Variants in TTC21A observed in about 807,000 individuals in gnomAD.
TTC21A encodes tetratricopeptide repeat protein 21A.
TTC21A carries 128 observed loss-of-function variants against 156.4 expected under a neutral mutation model. The ratio of observed to expected loss-of-function variants is 0.82; its 90% CI spans 0.71 to 0.95. The LOEUF is 0.95. TTC21A is among the 40% of genes least tolerant of loss of function. The probability of loss-of-function intolerance (pLI) is 0.00; values close to 1 mark genes in which losing one functional copy is unlikely to be tolerated. For synonymous variants in TTC21A, 587 were observed against 617.1 expected (o/e 0.95, Z 0.72); for missense variants, 1,435 against 1,602.3 (o/e 0.90, Z 1.78).
At chr3:39,136,748 C>A in intron 23 of TTC21A, 151 bp from the exon 24 acceptor site, 1 of 1,096,844 alleles carries the variant, frequency 9.1e-7, no homozygotes, top group Non-Finnish European at 1.3e-6. Context: ...ATCCAACACA[C>A]AGGTCCGACG....
chr3:39,125,433 C>T lies in TTC21A; in HGVS notation c.1293C>T (p.Ser431=), dbSNP rs773283404. ...LKEAVELHFS[S]MQGIPLGSEY... is the part of the protein sequence containing the mutation. ...AGGCAGTGGAGCTTCACTTCTCCAG[C>T]ATGCAAGGCATCCCTCTTGGCTCTG... Residue 431 remains serine, a synonymous_variant, in exon 11 of 29, where the codon AGC becomes AGT. Coordinates refer to ENST00000683103, the MANE Select transcript of TTC21A (RefSeq NM_001366900.1). The T allele has an allele frequency of 1.2e-5, 19 of 1,614,020 alleles. No individual in the cohort carries two copies. Among genetic ancestry groups the T allele is most frequent in the Non-Finnish European group, 1.6e-5 (19 of 1,179,846 alleles).
intron 15 of TTC21A, 70 bp downstream of exon 15, chr3:39,129,380 G>T: frequency 8.3e-7 from 1 of 1,203,246 alleles, no homozygotes; most frequent in Non-Finnish European, 1.2e-6. Context: ...TCCTTCAGAT[G>T]GTATTTCTTC....
Position 39,113,653 on chromosome 3 carries a change from A to T in TTC21A, c.559-932A>T, listed in dbSNP as rs551817622. On this transcript the variant is annotated intron_variant, in intron 5 of 28. Transcript: ENST00000683103. ...GGGTGGGAGACAGTGTTGGTCTATA[A>T]CGTAGTTTTCACCCTAGGGCATATT... Among the ~76,000 whole-genome samples the T allele has an allele frequency of 2.2e-3, 338 of 152,284 alleles. 1 individual carries two copies. Among genetic ancestry groups the T allele is most frequent in the African/African-American group, 7.7e-3 (320 of 41,560 alleles).
chr3:39,111,624 T>C (rs968122998), intron 4 of TTC21A, among the ~76,000 whole-genome samples: 2 of 152,038 alleles, frequency 1.3e-5, no homozygotes, highest in Non-Finnish European at 2.9e-5. Flanking sequence ...TTTTCAAGGG[T>C]GTAGACATGG....
chr3:39,120,311 G>A (rs1174022375), intron 8 of TTC21A, among the ~76,000 whole-genome samples: 1 of 152,186 alleles, frequency 6.6e-6, no homozygotes, highest in Non-Finnish European at 1.5e-5. Flanking sequence ...TGGGGAAAGC[G>A]GGTGGTATTG....
chr3:39,130,938 C>T lies in TTC21A; in HGVS notation c.2459-54C>T, dbSNP rs1294152075. 20 of 1,607,542 alleles carry T rather than the reference C, an allele frequency of 1.2e-5. No homozygotes were observed. Among genetic ancestry groups the T allele is most frequent in the Non-Finnish European group, 1.4e-5 (17 of 1,175,430 alleles). On this transcript the variant is annotated intron_variant, in intron 18 of 28. Transcript: ENST00000683103. The surrounding 1 kb of genome is among the most constrained non-coding windows in gnomAD (Gnocchi z 4.5). ...TCCTGATCCCAGCGCTCCCCACCAA[C>T]ACAGCTTCCCAGGAGCCAGTGAACT...
chr3:39,126,212 CTT>C, intron 11 of TTC21A, 47 bp from the exon 12 acceptor site: 1 of 1,611,382 alleles, frequency 6.2e-7, no homozygotes, highest in African/African-American at 1.3e-5. Context: ...AGGAGTCTCT[CTT>C]AGAATAGGGC....
chr3:39,124,501 A>T (rs2038039014), intron 9 of TTC21A, among the ~76,000 whole-genome samples: 1 of 152,024 alleles, frequency 6.6e-6, no homozygotes, highest in Non-Finnish European at 1.5e-5. Context: ...TTCTACTAAA[A>T]ATACAAAAAT....
intron 8 of TTC21A, among the ~76,000 whole-genome samples, chr3:39,120,313 G>A (rs1408943965): frequency 1.3e-5 from 2 of 152,194 alleles, no homozygotes; most frequent in African/African-American, 4.8e-5. Flanking sequence ...GGGAAAGCGG[G>A]TGGTATTGCA....
At chr3:39,125,283 A>G (rs1348843177) in intron 10 of TTC21A, 49 bp from the exon 11 acceptor site, 11 of 1,596,734 alleles carry the variant, frequency 6.9e-6, no homozygotes, top group Non-Finnish European at 9.4e-6. Flanking sequence ...TGCCTACCAA[A>G]TCTGCCCAGG....
intron 7 of TTC21A, chr3:39,118,450 TG>T (rs1434993787): frequency 2.1e-6 from 1 of 482,452 alleles, no homozygotes; most frequent in African/African-American, 1.9e-5. Flanking sequence ...GCTTCCTGTT[TG>T]TAAAATAGAC....
Position 39,128,234 on chromosome 3 carries a change from T to G in TTC21A, c.1523-97T>G, listed in dbSNP as rs529413786. On this transcript the variant is annotated intron_variant, in intron 12 of 28. Coordinates refer to ENST00000683103, the MANE Select transcript of TTC21A (RefSeq NM_001366900.1). ...TAAAATACTCAATTTTGTATATTTC[T>G]GGGGAACAGGACATGTAAAATTCAT... 1,015 of 1,361,600 alleles carry G rather than the reference T, an allele frequency of 7.5e-4. 16 individuals are homozygous for G. Among genetic ancestry groups the G allele is most frequent in the Non-Finnish European group, 3.9e-5 (38 of 983,322 alleles). 84.3% of individuals were successfully genotyped at this position (1,361,600 alleles called of 1,614,324 possible).
At position 39,128,755 on chromosome 3, in the gene TTC21A, G is replaced by T. The variant is rs571796771; in HGVS notation, c.1719G>T (p.Arg573Ser). The change falls in exon 14 of 29, where the codon AGG (arginine) becomes AGT (serine). Residue 573 changes from arginine (R) to serine (S), a missense_variant. Transcript: ENST00000683103. Reference protein sequence around the residue: ...DHPLYHLIKARALNKAGDYPE... With the variant: ...DHPLYHLIKASALNKAGDYPE... Reference sequence around the variant, plus strand: ...CCCTCTACCACCTCATCAAGGCCAGGGCCCTCAACAAGGCTGGAGACTATC... The same window carrying T: ...CCCTCTACCACCTCATCAAGGCCAGTGCCCTCAACAAGGCTGGAGACTATC... 6.8e-6 allele frequency: 11 copies of T among 1,614,108 alleles called. No homozygotes were observed. The highest frequency in any genetic ancestry group is 1.7e-5 in the Admixed American group (1 of 60,016).
chr3:39,116,010 G>T (rs934356157), intron 6 of TTC21A, among the ~76,000 whole-genome samples: 4 of 152,218 alleles, frequency 2.6e-5, no homozygotes, highest in African/African-American at 9.6e-5. Flanking sequence ...TCCCTCTCTC[G>T]CAGTGTAAAC....
At chr3:39,138,671 A>C (rs811969) in intron 28 of TTC21A, 40 bp from the exon 29 acceptor site, 1,078,520 of 1,613,392 alleles carry the variant, frequency 0.67, 368,929 homozygotes, top group East Asian at 0.72. Context: ...TGGTGGGGAA[A>C]CCTGCATGAT....
Position 39,110,047 on chromosome 3 carries a change from T to A in TTC21A, c.176T>A (p.Ile59Asn), listed in dbSNP as rs2036674330. The A allele has an allele frequency of 6.2e-7, 1 of 1,613,936 alleles. No homozygotes were observed. The highest frequency in any genetic ancestry group is 8.5e-7 in the Non-Finnish European group (1 of 1,179,860). The change falls in exon 3 of 29, where the codon ATC becomes AAC. Residue 59 changes from isoleucine to asparagine, a missense_variant. Physicochemically the swap from Ile to Asn is moderately radical, Grantham distance 149 (BLOSUM62 -3). Coordinates refer to ENST00000683103, the MANE Select transcript of TTC21A (RefSeq NM_001366900.1). Reference sequence around the variant, plus strand: ...TTTGCAGAGCACATCCAGGATGCCATCAGTGACCTGGAAAGCATCAGGCAT... The same window carrying A: ...TTTGCAGAGCACATCCAGGATGCCAACAGTGACCTGGAAAGCATCAGGCAT... ...VLKEEHIQDA[I>N]SDLESIRHHP... is the part of the protein sequence containing the mutation.
At position 39,110,889 on chromosome 3, in the gene TTC21A, G is replaced by A; in HGVS notation, c.307G>A (p.Glu103Lys). ...AIQELEYSLK[E>K]IRKTVSGTAL... ...TCAGGAGCTTGAGTACAGCCTGAAG[G>A]AAATACGCAAGACAGTCAGTGGGAC... The change falls in exon 4 of 29, where the codon GAA (glutamate) becomes AAA (lysine). Residue 103 changes from glutamate to lysine, a missense_variant. Transcript: ENST00000683103. 1.2e-6 allele frequency: 2 copies of A among 1,613,982 alleles called. No homozygotes were observed. The highest frequency in any genetic ancestry group is 1.7e-6 in the Non-Finnish European group (2 of 1,180,008).
chr3:39,133,377 C>T (rs2038880677), intron 20 of TTC21A, 137 bp downstream of exon 20: 9 of 877,880 alleles, frequency 1.0e-5, no homozygotes, highest in Non-Finnish European at 1.5e-5. Context: ...CATGGGAGGC[C>T]AGCTAGCAGT....
chr3:39,128,216 C>A, intron 12 of TTC21A, 115 bp from the exon 13 acceptor site: 1 of 1,231,388 alleles, frequency 8.1e-7, no homozygotes, highest in Non-Finnish European at 1.1e-6. Context: ...GGCTAAAATA[C>A]TCAATTTTGT....
Sources: allele counts gnomAD v4.1 joint callset (sites outside exome capture counted in the v4.1 genomes callset), GRCh38; gene constraint gnomAD v4.1.1; non-coding constraint Gnocchi (gnomAD v3.1); transcripts MANE v1.5; gene names NCBI Gene and HGNC (gene_info 2026-07-23, HGNC 2026-07-21).